Variants in POLA2 observed in about 807,000 individuals in gnomAD.
POLA2 encodes DNA polymerase alpha 2, accessory subunit.
POLA2 carries 47 observed loss-of-function variants against 82.8 expected under a neutral mutation model. That is an observed-to-expected ratio of 0.57 (90% confidence interval 0.45 to 0.72). POLA2 has a LOEUF of 0.72. Among genes scored for constraint, POLA2 ranks in the 30% least tolerant of loss-of-function variants. The probability of loss-of-function intolerance (pLI) is 0.00; values close to 1 mark genes in which losing one functional copy is unlikely to be tolerated. For synonymous variants in POLA2, 287 were observed against 286.8 expected (o/e 1.00, Z -0.01); for missense variants, 634 against 728.1 (o/e 0.87, Z 1.49).
At chr11:65,275,766 G>A (rs1949570450) in intron 4 of POLA2, 126 bp from the exon 5 acceptor site, 1 of 460,050 alleles carries the variant, frequency 2.2e-6, no homozygotes, top group Admixed American at 4.3e-5. Context: ...CTTAAGAAGA[G>A]AACCCACCCA....
At chr11:65,295,758 C>T (rs1057349724) in intron 16 of POLA2, 106 bp from the exon 17 acceptor site, 54 of 1,421,610 alleles carry the variant, frequency 3.8e-5, no homozygotes, top group Non-Finnish European at 3.9e-5. Context: ...GAGAAAAAGT[C>T]GGTCTGTGGA....
Position 65,268,671 on chromosome 11 carries a change from G to A in POLA2, c.297-1G>A, listed in dbSNP as rs1312753450. 1 of 1,592,170 alleles carries A rather than the reference G, an allele frequency of 6.3e-7. No individual in the cohort carries two copies. The highest frequency in any genetic ancestry group is 8.6e-7 in the Non-Finnish European group (1 of 1,165,812). ...TTGTTTTTCTTAACCAGTGTTCTTA[G>A]AATTGAAGTGGAAGAAGAAGAGGAA... On this transcript the variant is annotated splice_acceptor_variant, in intron 3 of 17. Coordinates refer to ENST00000265465, the MANE Select transcript of POLA2 (RefSeq NM_002689.4). LOFTEE classifies it high-confidence loss of function.
chr11:65,295,129 A>C (rs1430070750), intron 15 of POLA2, among the ~76,000 whole-genome samples: 1 of 152,186 alleles, frequency 6.6e-6, no homozygotes, highest in Non-Finnish European at 1.5e-5. Flanking sequence ...TTCTGCCGTC[A>C]TCCTTGATGG....
intron 4 of POLA2, among the ~76,000 whole-genome samples, chr11:65,269,810 G>A (rs919020916): frequency 1.3e-5 from 2 of 152,112 alleles, no homozygotes; most frequent in African/African-American, 4.8e-5. Flanking sequence ...AATGTATTCA[G>A]TAATAGTAAT....
At chr11:65,269,559 C>G (rs550257391) in intron 4 of POLA2, among the ~76,000 whole-genome samples, 1 of 151,438 alleles carries the variant, frequency 6.6e-6, no homozygotes, top group South Asian at 2.1e-4. Context: ...GTGAATGAAA[C>G]AGACATGGAT....
downstream of POLA2, among the ~76,000 whole-genome samples, chr11:65,302,981 G>A (rs1037509073): frequency 1.3e-5 from 2 of 152,136 alleles, no homozygotes; most frequent in African/African-American, 4.8e-5. Context: ...AAATTGTTGG[G>A]ACTACAGGCA....
chr11:65,265,896 A>G (rs1949455142), intron 1 of POLA2, among the ~76,000 whole-genome samples: 1 of 152,106 alleles, frequency 6.6e-6, no homozygotes, highest in Non-Finnish European at 1.5e-5. Context: ...CCTTCTAGAT[A>G]CGCTCACTCC....
downstream of POLA2, among the ~76,000 whole-genome samples, chr11:65,300,898 C>T (rs923648650): frequency 6.6e-6 from 1 of 152,196 alleles, no homozygotes; most frequent in Non-Finnish European, 1.5e-5. Flanking sequence ...GTTTGTTTCA[C>T]TTAGCATGAT....
chr11:65,293,524 C>T lies in POLA2; in HGVS notation c.1245-629C>T, dbSNP rs532962645. ...ACTCGGGAGGCTGAGACACAAGTAT[C>T]ACTTGAACCCAGGAGATGAGGTTGC... On this transcript the variant is annotated intron_variant, in intron 13 of 17. Transcript: ENST00000265465. 3.2e-4 allele frequency among the ~76,000 whole-genome samples: 48 copies of T among 150,806 alleles called. 1 individual carries two copies. In the South Asian group the frequency reaches 8.4e-3, roughly 26 times the overall value.
chr11:65,297,424 G>GCCC lies in POLA2; in HGVS notation c.*155_*156insCCC. 1.2e-6 allele frequency: 1 copy of GCCC among 810,206 alleles called. No individual in the cohort carries two copies. The highest frequency in any genetic ancestry group is 3.1e-5 in the East Asian group (1 of 32,212). The allele number at this position is 810,206 out of a possible 1,614,324, so 50.2% of individuals were successfully genotyped here. ...TGCAGTGACCAGGCCCAGCAGGGAG[G>GCCC]ACTTGTGCAGCCGGGCCTGCCTCTG... is the stretch of plus-strand genomic sequence containing the variant. On this transcript the variant is annotated 3_prime_UTR_variant, in exon 18 of 18. Transcript: ENST00000265465.
At chr11:65,304,127 C>G (rs1180791916) in intron 8 of POLA2, among the ~76,000 whole-genome samples, 2 of 152,156 alleles carry the variant, frequency 1.3e-5, no homozygotes, top group African/African-American at 4.8e-5. Context: ...CTCCCATACA[C>G]CCTCTTCTTG....
In POLA2 at chr11:65,267,627, C is replaced by G. The variant is rs896974312; in HGVS notation, c.296+59C>G. The G allele has an allele frequency of 2.6e-6, 3 of 1,133,440 alleles. No homozygotes were observed. The African/African-American group carries it at 4.7e-5, about 18-fold the overall frequency. The allele number at this position is 1,133,440 out of a possible 1,614,324, so 70.2% of individuals were successfully genotyped here. A position where few individuals can be genotyped will look rare whatever the true frequency, so the allele number is the denominator to read the frequency against. ...CTACATGTTGTATTTTATAATTTGT[C>G]TGTAGTCGCATGTGTAATTTAAAAA... On this transcript the variant is annotated intron_variant, in intron 3 of 17. Transcript: ENST00000265465.
Position 65,287,746 on chromosome 11 carries a change from G to A in POLA2, c.1037G>A (p.Cys346Tyr), listed in dbSNP as rs750224445. The change falls in exon 11 of 18, where the codon TGT becomes TAT. Residue 346 changes from cysteine to tyrosine, a missense_variant. Transcript: ENST00000265465. ...DFEQSMVLVA[C>Y]GPYTTSDSIT... ...GAGCAAAGCATGGTCCTGGTTGCCT[G>A]TGGACCATACACCACATCTGACAGC... 12 of 1,613,510 alleles carry A rather than the reference G, an allele frequency of 7.4e-6. No homozygotes were observed. In the South Asian group the frequency reaches 1.3e-4, roughly 18 times the overall value.
At chr11:65,281,785 C>A in intron 9 of POLA2, 53 bp downstream of exon 9, 1 of 1,373,704 alleles carries the variant, frequency 7.3e-7, no homozygotes, top group Non-Finnish European at 1.0e-6. Flanking sequence ...CAAAGTATGT[C>A]TGGAAGCTGT....
chr11:65,305,328 G>A (rs1294654727), intron 8 of POLA2: 1 of 455,160 alleles, frequency 2.2e-6, no homozygotes. Context: ...CATCGTAAGA[G>A]AAACGCAAAC....
chr11:65,271,516 C>A (rs548646086), intron 4 of POLA2, among the ~76,000 whole-genome samples: 1 of 152,274 alleles, frequency 6.6e-6, no homozygotes, highest in African/African-American at 2.4e-5. Context: ...ATTTAGGATA[C>A]CCCATTCCTG....
chr11:65,284,871 G>A (rs1258819985), intron 10 of POLA2, among the ~76,000 whole-genome samples: 1 of 152,162 alleles, frequency 6.6e-6, no homozygotes, highest in East Asian at 1.9e-4. Context: ...TTAAGGATTA[G>A]CAACCAGATC....
At position 65,281,711 on chromosome 11, in the gene POLA2, T is replaced by C. The variant is rs749465591; in HGVS notation, c.942T>C (p.Leu314=). ...GAATCAACACCACTGGTAGGAAACTTGTTGCCACCAAACTCTACGAGGTAC... is the reference window on the plus strand; with the variant it reads ...GAATCAACACCACTGGTAGGAAACTCGTTGCCACCAAACTCTACGAGGTAC... The part of the protein sequence containing the change: ...MEGINTTGRK[L]VATKLYEGVP... Residue 314 remains leucine (L), a synonymous_variant, in exon 9 of 18, where the codon CTT becomes CTC. Coordinates refer to ENST00000265465, the MANE Select transcript of POLA2 (RefSeq NM_002689.4). The C allele has an allele frequency of 5.0e-6, 8 of 1,614,026 alleles. No individual in the cohort carries two copies. The South Asian group carries it at 5.5e-5, about 11-fold the overall frequency.
At chr11:65,287,875 C>T (rs781316051) in intron 11 of POLA2, 35 bp downstream of exon 11, 63 of 1,596,074 alleles carry the variant, frequency 3.9e-5, no homozygotes, top group Non-Finnish European at 5.0e-5. Context: ...GAGGAGTCAG[C>T]CTTGGAAAAT....
Sources: allele counts gnomAD v4.1 joint callset (sites outside exome capture counted in the v4.1 genomes callset), GRCh38; gene constraint gnomAD v4.1.1; transcripts MANE v1.5; gene names NCBI Gene and HGNC (gene_info 2026-07-23, HGNC 2026-07-21).